The following STXBP5L variants were observed in gnomAD, a reference collection of about 807,000 sequenced individuals.
STXBP5L encodes syntaxin-binding protein 5-like.
In STXBP5L, 65 loss-of-function variants were observed where a neutral mutation model predicts 144.5. That is an observed-to-expected ratio of 0.45 (90% CI 0.37 to 0.55). The LOEUF (loss-of-function observed/expected upper bound fraction) is 0.55. Ranked by LOEUF, STXBP5L falls within the 20% of genes least tolerant of loss-of-function variation. The probability of loss-of-function intolerance (pLI) is 0.00; values close to 1 mark genes in which losing one functional copy is unlikely to be tolerated. For synonymous variants in STXBP5L, 505 were observed against 469.6 expected (o/e 1.08, Z -0.97); for missense variants, 1,298 against 1,405.5 (o/e 0.92, Z 1.22).
chr3:121,111,775 G>C (rs1576988362), intron 5 of STXBP5L, among the ~76,000 whole-genome samples: 2 of 152,334 alleles, frequency 1.3e-5, no homozygotes, highest in South Asian at 4.1e-4. Flanking sequence ...TGTGGTGGGA[G>C]GAATCCCACT....
At chr3:121,006,534 C>T (rs1366089331) in intron 3 of STXBP5L, among the ~76,000 whole-genome samples, 4 of 152,100 alleles carry the variant, frequency 2.6e-5, no homozygotes, top group Admixed American at 2.0e-4. Flanking sequence ...TTAATTGGGG[C>T]ATTTAGCCCA....
At chr3:121,313,311 C>T (rs1446670901) in intron 19 of STXBP5L, among the ~76,000 whole-genome samples, 2 of 141,388 alleles carry the variant, frequency 1.4e-5, no homozygotes, top group African/African-American at 5.3e-5. Context: ...GCGCCCCTCA[C>T]CTCCTGGACG....
At chr3:121,407,801 T>C in intron 23 of STXBP5L, 198 bp downstream of exon 23, 1 of 678,930 alleles carries the variant, frequency 1.5e-6, no homozygotes, top group Non-Finnish European at 2.4e-6. Flanking sequence ...TTTTCTTTTC[T>C]GCTAAAAATG....
intron 5 of STXBP5L, among the ~76,000 whole-genome samples, chr3:121,050,682 A>G (rs1947902147): frequency 6.6e-6 from 1 of 152,140 alleles, no homozygotes; most frequent in Non-Finnish European, 1.5e-5. Flanking sequence ...TCAACTAACG[A>G]GCAAAATAAC....
chr3:121,116,363 G>A, intron 6 of STXBP5L, among the ~76,000 whole-genome samples: 1 of 152,014 alleles, frequency 6.6e-6, no homozygotes, highest in East Asian at 1.9e-4. Context: ...TGCTTCATAA[G>A]GAAGGTTGTT....
At chr3:121,383,833 C>T (rs1196481424) in intron 22 of STXBP5L, among the ~76,000 whole-genome samples, 2 of 152,062 alleles carry the variant, frequency 1.3e-5, no homozygotes, top group African/African-American at 2.4e-5. Flanking sequence ...TGAGTCTCTG[C>T]CCAAGCTTAT....
chr3:121,051,399 G>A (rs1381724717), intron 5 of STXBP5L, among the ~76,000 whole-genome samples: 3 of 152,180 alleles, frequency 2.0e-5, no homozygotes, highest in Admixed American at 1.3e-4. Context: ...TCAGACAACA[G>A]TGCAATCAAA....
At chr3:120,927,615 A>C (rs769528108) in intron 2 of STXBP5L, among the ~76,000 whole-genome samples, 77 of 152,206 alleles carry the variant, frequency 5.1e-4, no homozygotes, top group Non-Finnish European at 8.4e-4. Context: ...CTCTTGGTGC[A>C]AGGCAGATTG....
At position 121,035,864 on chromosome 3, in the gene STXBP5L, A is replaced by C. The variant is rs184655693; in HGVS notation, c.288-5836A>C. On this transcript the variant is annotated intron_variant, in intron 3 of 26. Coordinates refer to ENST00000471454, the MANE Select transcript of STXBP5L (RefSeq NM_001308330.2). ...CCATCTTAACAATATTGAGTCTTGA[A>C]CATCTTCATTTATTTTGGTCTTTAA... Among the ~76,000 whole-genome samples, 163 of 152,258 alleles carry C rather than the reference A, an allele frequency of 1.1e-3. 1 individual carries two copies. Among genetic ancestry groups the C allele is most frequent in the Non-Finnish European group, 4.3e-4 (29 of 68,002 alleles).
At chr3:121,159,627 C>CTTTT (rs1161847567) in intron 9 of STXBP5L, among the ~76,000 whole-genome samples, 20 of 121,950 alleles carry the variant, frequency 1.6e-4, no homozygotes, top group African/African-American at 3.4e-4. Context: ...TGTACATTTT[C>CTTTT]TTTTTTTTTT....
chr3:120,929,671 TAA>T (rs1186886105), intron 2 of STXBP5L, among the ~76,000 whole-genome samples: 1 of 152,166 alleles, frequency 6.6e-6, no homozygotes, highest in Non-Finnish European at 1.5e-5. Context: ...AGTTAGGTTA[TAA>T]GTCTTTATAT....
intron 3 of STXBP5L, among the ~76,000 whole-genome samples, chr3:121,033,609 T>G (rs575884241): frequency 3.2e-4 from 48 of 150,482 alleles, no homozygotes; most frequent in African/African-American, 9.5e-4. Flanking sequence ...AATAAATAAA[T>G]AAATTCGTGT....
At chr3:121,394,806 A>C (rs1227553380) in intron 22 of STXBP5L, among the ~76,000 whole-genome samples, 1 of 151,850 alleles carries the variant, frequency 6.6e-6, no homozygotes, top group Non-Finnish European at 1.5e-5. Context: ...AGGGTTTCAC[A>C]TGTTAGCCAG....
At chr3:121,098,471 A>C (rs1387089070) in intron 5 of STXBP5L, among the ~76,000 whole-genome samples, 1 of 152,208 alleles carries the variant, frequency 6.6e-6, no homozygotes, top group South Asian at 2.1e-4. Flanking sequence ...TGCTGTCCTC[A>C]TGATAATGAG....
At chr3:120,926,387 G>C (rs1252801954) in intron 2 of STXBP5L, among the ~76,000 whole-genome samples, 1 of 141,064 alleles carries the variant, frequency 7.1e-6, no homozygotes, top group Non-Finnish European at 1.5e-5. Context: ...ACCACTCCCT[G>C]CTGGCCTATA....
chr3:121,259,287 TA>T (rs1306612792), intron 18 of STXBP5L, 119 bp downstream of exon 18: 4 of 693,102 alleles, frequency 5.8e-6, no homozygotes, highest in Non-Finnish European at 8.2e-6. Context: ...TTTATTAGAT[TA>T]AACAATATAT....
intron 3 of STXBP5L, among the ~76,000 whole-genome samples, chr3:120,979,645 A>C (rs1941535077): frequency 6.6e-6 from 1 of 152,098 alleles, no homozygotes; most frequent in South Asian, 2.1e-4. Flanking sequence ...TGCGTCGCTC[A>C]CACTGGGAGC....
At chr3:120,923,718 C>T (rs1331868903) in intron 2 of STXBP5L, among the ~76,000 whole-genome samples, 1 of 151,768 alleles carries the variant, frequency 6.6e-6, no homozygotes, top group Non-Finnish European at 1.5e-5. Flanking sequence ...ATGATTTTTA[C>T]TTTCTTGAAT....
At chr3:121,026,724 A>C (rs1297753504) in intron 3 of STXBP5L, among the ~76,000 whole-genome samples, 3 of 152,034 alleles carry the variant, frequency 2.0e-5, no homozygotes, top group Non-Finnish European at 4.4e-5. Flanking sequence ...ATAAGAGAAA[A>C]GAGTAACTAA....
Sources: gnomAD v4.1 joint callset for allele counts (sites outside exome capture counted in the v4.1 genomes callset) on GRCh38, gnomAD v4.1.1 for gene constraint, MANE v1.5 for transcripts, NCBI Gene and HGNC (gene_info 2026-07-23, HGNC 2026-07-21) for gene names.